DIAPH2: variants seen among roughly 807,000 people sequenced by gnomAD.
DIAPH2 encodes protein diaphanous homolog 2.
A neutral mutation model predicts 92.7 loss-of-function variants in DIAPH2; 35 were observed. The ratio of observed to expected loss-of-function variants is 0.38; its 90% CI spans 0.29 to 0.50. The LOEUF is 0.50. Among genes scored for constraint, DIAPH2 ranks in the 20% least tolerant of loss-of-function variants. The pLI, the probability that DIAPH2 is intolerant of heterozygous loss-of-function variation, is 0.94. For missense variants in DIAPH2, 701 were observed against 819.5 expected (o/e 0.86, Z 1.77); for synonymous variants, 301 against 280.4 (o/e 1.07, Z -0.73).
chrX:96,977,703 A>T (rs1367727236), intron 17 of DIAPH2, among the ~76,000 whole-genome samples: 5 of 107,174 alleles, frequency 4.7e-5, no homozygotes, highest in Non-Finnish European at 1.9e-5. Context: ...TTTTTTTTTT[A>T]AACAAAGTGT....
chrX:97,185,353 G>GTATATATATATATATGTATATATATA (rs1387950279), intron 22 of DIAPH2, among the ~76,000 whole-genome samples: 1 of 18,399 alleles, frequency 5.4e-5, no homozygotes, highest in Non-Finnish European at 7.1e-5. Context: ...ATATATATAT[G>GTATATATATATATATGTATATATATA]TGTGTATATA....
chrX:97,490,364 A>T (rs897965455), intron 26 of DIAPH2, among the ~76,000 whole-genome samples: 2 of 94,546 alleles, frequency 2.1e-5, no homozygotes, highest in African/African-American at 3.9e-5. Context: ...TGTTTCACTG[A>T]TTTTTTTTCT....
chrX:97,114,705 AG>A lies in DIAPH2; in HGVS notation c.2350-18del. 8.5e-7 allele frequency: 1 copy of A among 1,181,601 alleles called. No individual in the cohort carries two copies. ...AGAGGCATTAAATGTATATTCTCATAGGGTATTTCTTATCTTACAGATGAGC... is the reference window on the plus strand; with the variant it reads ...AGAGGCATTAAATGTATATTCTCATAGGTATTTCTTATCTTACAGATGAGC... On this transcript the variant is annotated intron_variant, in intron 20 of 26. Transcript: ENST00000324765.
chrX:97,433,846 T>C (rs906718398), intron 26 of DIAPH2, among the ~76,000 whole-genome samples: 3 of 112,002 alleles, frequency 2.7e-5, no homozygotes, highest in Non-Finnish European at 5.6e-5. Flanking sequence ...AGGCAGAAGA[T>C]AATAAGTATC....
chrX:97,189,876 A>G (rs16982347), intron 22 of DIAPH2, among the ~76,000 whole-genome samples: 12,991 of 112,255 alleles, frequency 0.12, 1,725 homozygotes, highest in African/African-American at 0.38. Flanking sequence ...GAGCAAAGGC[A>G]GAGATTGTCA....
At chrX:97,590,168 A>T (rs1486941644) in intron 26 of DIAPH2, among the ~76,000 whole-genome samples, 1 of 111,634 alleles carries the variant, frequency 9.0e-6, no homozygotes, top group Non-Finnish European at 1.9e-5. Flanking sequence ...TATTTCTGTG[A>T]TCTGGTTCTT....
At chrX:96,954,951 A>G (rs183933493) in intron 15 of DIAPH2, among the ~76,000 whole-genome samples, 34 of 112,716 alleles carry the variant, frequency 3.0e-4, no homozygotes, top group Admixed American at 2.8e-3. Context: ...TATTCAAACC[A>G]ACTAATCTAA....
At chrX:97,352,640 T>C (rs1354432628) in intron 24 of DIAPH2, among the ~76,000 whole-genome samples, 21 of 107,800 alleles carry the variant, frequency 1.9e-4, no homozygotes, top group African/African-American at 5.3e-4. Flanking sequence ...GAGGCCAAGG[T>C]GGGCAGATCA....
intron 26 of DIAPH2, among the ~76,000 whole-genome samples, chrX:97,531,837 T>G (rs2071062268): frequency 8.9e-6 from 1 of 112,634 alleles, no homozygotes; most frequent in Admixed American, 9.4e-5. Context: ...ATTTCATTTC[T>G]AATTACTTGT....
rs753618717 is a variant in DIAPH2 at position 97,583,221 on chromosome X, C to T, written c.3242-16032C>T. Among the ~76,000 whole-genome samples, 370 of 112,214 alleles carry T rather than the reference C, an allele frequency of 3.3e-3. 2 individuals are homozygous for T. The highest frequency in any genetic ancestry group is 0.019 in the Middle Eastern group (4 of 216). On this transcript the variant is annotated intron_variant, in intron 26 of 26. Coordinates refer to ENST00000324765, the MANE Select transcript of DIAPH2 (RefSeq NM_006729.5). The stretch of plus-strand genomic sequence containing the variant: ...GCTTTGTTCTGCTGCTGGTGAGGAG[C>T]TGCGTTCCTTTGGAGGAGGAGAGGC...
At chrX:97,008,761 C>T (rs949945841) in intron 17 of DIAPH2, among the ~76,000 whole-genome samples, 7 of 111,524 alleles carry the variant, frequency 6.3e-5, no homozygotes, top group African/African-American at 2.3e-4. Flanking sequence ...GTTCTTCTTC[C>T]TTACTGTCTC....
At chrX:96,884,910 C>T in intron 5 of DIAPH2, 2 of 1,211,248 alleles carry the variant, frequency 1.7e-6, no homozygotes. Context: ...ACCGCAATTT[C>T]ATCCAGGACG....
chrX:97,216,183 G>C (rs2067882307), intron 22 of DIAPH2, among the ~76,000 whole-genome samples: 1 of 112,284 alleles, frequency 8.9e-6, no homozygotes, highest in African/African-American at 3.2e-5. Flanking sequence ...CTCAATTAAT[G>C]AATCTTCTGT....
At chrX:97,596,907 T>TACAC (rs1384057906) in intron 26 of DIAPH2, among the ~76,000 whole-genome samples, 1 of 111,931 alleles carries the variant, frequency 8.9e-6, no homozygotes, top group African/African-American at 3.2e-5. Context: ...AAATCAAATT[T>TACAC]ACACACACAC....
intron 26 of DIAPH2, among the ~76,000 whole-genome samples, chrX:97,493,411 G>C (rs756314232): frequency 9.1e-6 from 1 of 110,341 alleles, no homozygotes. Flanking sequence ...ACAGGCATGC[G>C]CCACCATGCC....
intron 3 of DIAPH2, among the ~76,000 whole-genome samples, chrX:96,739,988 A>G (rs1458602487): frequency 8.9e-6 from 1 of 111,920 alleles, no homozygotes; most frequent in East Asian, 2.8e-4. Context: ...AGCCTTCAAT[A>G]CATTTTTTGC....
intron 3 of DIAPH2, among the ~76,000 whole-genome samples, chrX:96,746,941 T>C (rs1261161092): frequency 8.9e-6 from 1 of 111,953 alleles, no homozygotes; most frequent in African/African-American, 3.3e-5. Context: ...TAGGATTGGA[T>C]GAAATATCTC....
chrX:97,175,268 C>A (rs2091921881), intron 22 of DIAPH2, among the ~76,000 whole-genome samples: 1 of 111,521 alleles, frequency 9.0e-6, no homozygotes, highest in Non-Finnish European at 1.9e-5. Flanking sequence ...TTTTCTCGAA[C>A]ACTAAATCCT....
At chrX:97,050,457 A>G (rs1233033729) in intron 17 of DIAPH2, among the ~76,000 whole-genome samples, 1 of 109,234 alleles carries the variant, frequency 9.2e-6, no homozygotes, top group Non-Finnish European at 1.9e-5. Flanking sequence ...GATTGACCCA[A>G]TCTATGTGAG....
Sources: gnomAD v4.1 joint callset for allele counts (sites outside exome capture counted in the v4.1 genomes callset) on GRCh38, gnomAD v4.1.1 for gene constraint, MANE v1.5 for transcripts, NCBI Gene and HGNC (gene_info 2026-07-23, HGNC 2026-07-21) for gene names.